The following CAPZB variants were observed in gnomAD, a reference collection of about 807,000 sequenced individuals.
The protein encoded by CAPZB is F-actin-capping protein subunit beta.
Under a neutral mutation model 38.1 loss-of-function variants are expected in CAPZB, and 2 were observed. The ratio of observed to expected loss-of-function variants is 0.05; its 90% CI spans 0.02 to 0.17. CAPZB has a LOEUF of 0.17. Among genes scored for constraint, CAPZB ranks in the 10% least tolerant of loss-of-function variants. CAPZB has a pLI of 1.00. For synonymous variants in CAPZB, 107 were observed against 127.4 expected, an observed-to-expected ratio of 0.84 and a Z score of 1.08; for missense variants, 161 against 334.2, an observed-to-expected ratio of 0.48 and a Z score of 4.04.
chr1:19,378,582 A>G lies in CAPZB; in HGVS notation c.287T>C (p.Leu96Pro). 1 of 1,613,520 alleles carries G rather than the reference A, an allele frequency of 6.2e-7. No homozygotes were observed. The highest frequency in any genetic ancestry group is 8.5e-7 in the Non-Finnish European group (1 of 1,179,400). Residue 96 changes from leucine to proline, a missense_variant, in exon 4 of 9, where the codon CTG becomes CCG. Physicochemically the swap from Leu to Pro is moderately conservative, Grantham distance 98. Coordinates refer to ENST00000264202, the MANE Select transcript of CAPZB (RefSeq NM_004930.5). ...AAAGGCATTGTTGGCTTCCACCTCC[A>G]GCTTTCTCAGCCGAGCTGACGGCAT... ...GAMPSARLRK[L>P]EVEANNAFDQ...
chr1:19,364,892 G>T (rs891787958), intron 4 of CAPZB, among the ~76,000 whole-genome samples: 2 of 151,730 alleles, frequency 1.3e-5, no homozygotes, highest in Non-Finnish European at 2.9e-5. Context: ...TCTTGCCCAG[G>T]TTGGAGTGCA....
At chr1:19,359,874 CAGA>C (rs2094043501) in intron 4 of CAPZB, among the ~76,000 whole-genome samples, 1 of 152,244 alleles carries the variant, frequency 6.6e-6, no homozygotes, top group South Asian at 2.1e-4. Flanking sequence ...GATCCCACTC[CAGA>C]AGATCATTTC....
chr1:19,382,411 G>A (rs1291148669), intron 3 of CAPZB, among the ~76,000 whole-genome samples: 1 of 152,148 alleles, frequency 6.6e-6, no homozygotes, highest in Non-Finnish European at 1.5e-5. Context: ...CCTCCGAGAA[G>A]GCTTTTTGTT....
At chr1:19,370,881 C>A (rs2094116341) in intron 4 of CAPZB, among the ~76,000 whole-genome samples, 1 of 152,234 alleles carries the variant, frequency 6.6e-6, no homozygotes, top group Non-Finnish European at 1.5e-5. Flanking sequence ...GGACCCAGCT[C>A]TCATTCCTTT....
At chr1:19,384,004 C>T (rs905849489) in intron 3 of CAPZB, among the ~76,000 whole-genome samples, 2 of 152,168 alleles carry the variant, frequency 1.3e-5, no homozygotes, top group Non-Finnish European at 2.9e-5. Flanking sequence ...ATAATCTCTA[C>T]CTAATTTCCA....
At position 19,485,503 on chromosome 1, in the gene CAPZB, G is replaced by T. The variant is rs914023330; in HGVS notation, c.-65C>A. The T allele has an allele frequency of 8.2e-7, 1 of 1,215,944 alleles. No individual in the cohort carries two copies. Among genetic ancestry groups the T allele is most frequent in the Non-Finnish European group, 1.0e-6 (1 of 975,310 alleles). The allele number at this position is 1,215,944 out of a possible 1,614,324, so 75.3% of individuals were successfully genotyped here. A position where few individuals can be genotyped will look rare whatever the true frequency, so the allele number is the denominator to read the frequency against. ...GGCTCTCCCCCCCGCAGCAGGGCCC[G>T]GCGCTTCCACTTCCCCGGGTGCCCA... On this transcript the variant is annotated 5_prime_UTR_variant, in exon 1 of 9. Transcript: ENST00000264202.
chr1:19,396,839 G>A (rs1477562113), intron 2 of CAPZB, among the ~76,000 whole-genome samples: 1 of 151,164 alleles, frequency 6.6e-6, no homozygotes, highest in Non-Finnish European at 1.5e-5. Context: ...TGTAATCCCA[G>A]CTACTCAGGA....
chr1:19,341,677 C>A lies in CAPZB; in HGVS notation c.732-2060G>T, dbSNP rs150822835. Among the ~76,000 whole-genome samples, 566 of 152,320 alleles carry A rather than the reference C, an allele frequency of 3.7e-3. 6 individuals carry two copies. Among genetic ancestry groups the A allele is most frequent in the African/African-American group, 0.013 (523 of 41,570 alleles). On this transcript the variant is annotated intron_variant, in intron 8 of 8. Coordinates refer to ENST00000264202, the MANE Select transcript of CAPZB (RefSeq NM_004930.5). ...ACGCCCCCAGTGGGCGGCCAGGGAA[C>A]TGCACCATCACGGTGTATCTTAAAA...
intron 1 of CAPZB, among the ~76,000 whole-genome samples, chr1:19,472,460 C>T (rs1442456189): frequency 2.0e-5 from 3 of 152,188 alleles, no homozygotes; most frequent in Non-Finnish European, 4.4e-5. Flanking sequence ...GGCAAGGAAC[C>T]AGCTGGTCCT....
chr1:19,421,627 A>G (rs188157095), intron 1 of CAPZB, among the ~76,000 whole-genome samples: 20 of 152,054 alleles, frequency 1.3e-4, no homozygotes, highest in Non-Finnish European at 1.2e-4. Flanking sequence ...GCCCACTGGC[A>G]TGAGAGGAAA....
At chr1:19,376,537 T>C (rs1201429792) in intron 4 of CAPZB, among the ~76,000 whole-genome samples, 1 of 152,214 alleles carries the variant, frequency 6.6e-6, no homozygotes, top group Non-Finnish European at 1.5e-5. Flanking sequence ...ACAGGTGAGT[T>C]TGCCCCTGCC....
chr1:19,350,235 A>G (rs1003581598), intron 6 of CAPZB, among the ~76,000 whole-genome samples: 2 of 152,276 alleles, frequency 1.3e-5, no homozygotes, highest in African/African-American at 4.8e-5. Context: ...ACCGGCGCTG[A>G]GGCCCCGCAG....
chr1:19,419,421 G>T (rs1312174560), intron 2 of CAPZB, among the ~76,000 whole-genome samples: 1 of 152,184 alleles, frequency 6.6e-6, no homozygotes, highest in Non-Finnish European at 1.5e-5. Context: ...GGAGGGAGCA[G>T]ACTGTCATTA....
intron 2 of CAPZB, among the ~76,000 whole-genome samples, chr1:19,393,793 C>T (rs1029518365): frequency 6.6e-6 from 1 of 152,240 alleles, no homozygotes; most frequent in Non-Finnish European, 1.5e-5. Flanking sequence ...TCACCACAGC[C>T]CACAGCCCAC....
intron 1 of CAPZB, among the ~76,000 whole-genome samples, chr1:19,427,640 T>TA (rs11385098): frequency 0.52 from 79,231 of 152,058 alleles, 21,125 homozygotes; most frequent in African/African-American, 0.63. Flanking sequence ...TTTGGATTAA[T>TA]AAAAAGAAAA....
At chr1:19,348,889 A>C (rs1464583693) in intron 6 of CAPZB, among the ~76,000 whole-genome samples, 1 of 152,038 alleles carries the variant, frequency 6.6e-6, no homozygotes, top group African/African-American at 2.4e-5. Context: ...AGTGGAAAAG[A>C]GGGAGAGAAA....
chr1:19,472,138 A>G (rs2094590755), intron 1 of CAPZB, among the ~76,000 whole-genome samples: 1 of 152,222 alleles, frequency 6.6e-6, no homozygotes, highest in Non-Finnish European at 1.5e-5. Flanking sequence ...TAAAGTTATT[A>G]GAGGAAGGAC....
chr1:19,352,546 C>A (rs933449938), intron 6 of CAPZB, among the ~76,000 whole-genome samples: 1 of 152,236 alleles, frequency 6.6e-6, no homozygotes, highest in Non-Finnish European at 1.5e-5. Flanking sequence ...GAACTTGGGG[C>A]TTGCAACCTT....
chr1:19,448,962 C>T (rs548458001), intron 1 of CAPZB: 28 of 1,609,870 alleles, frequency 1.7e-5, no homozygotes, highest in Middle Eastern at 1.7e-4. Context: ...GCAGGGGAGG[C>T]GAGGGGGCAA....
Sources: gnomAD v4.1 joint callset for allele counts (sites outside exome capture counted in the v4.1 genomes callset) on GRCh38, gnomAD v4.1.1 for gene constraint, MANE v1.5 for transcripts, NCBI Gene and HGNC (gene_info 2026-07-23, HGNC 2026-07-21) for gene names.